Variants in EML6 observed in about 807,000 individuals in gnomAD.
The protein encoded by EML6 is EMAP like 6.
In EML6, 154 loss-of-function variants were observed where a neutral mutation model predicts 240.1. The ratio of observed to expected loss-of-function variants is 0.64; its 90% confidence interval spans 0.56 to 0.73. The LOEUF is 0.73. Among genes scored for constraint, EML6 ranks in the 30% least tolerant of loss-of-function variants. The pLI, the probability that EML6 is intolerant of heterozygous loss-of-function variation, is 0.00. For missense variants in EML6, 2,964 were observed against 2,474.6 expected (o/e 1.20, Z -4.20); for synonymous variants, 1,148 against 899.0 (o/e 1.28, Z -4.95).
At chr2:54,797,833 C>T (rs1046674361) in intron 2 of EML6, among the ~76,000 whole-genome samples, 9 of 152,142 alleles carry the variant, frequency 5.9e-5, no homozygotes, top group African/African-American at 1.9e-4. Flanking sequence ...CTCTGGGCTT[C>T]AGTGTCATTG....
At chr2:54,862,868 G>T (rs987428793) in intron 12 of EML6, among the ~76,000 whole-genome samples, 1 of 152,178 alleles carries the variant, frequency 6.6e-6, no homozygotes, top group Non-Finnish European at 1.5e-5. Flanking sequence ...AACCCTTGGG[G>T]GATAACAGGA....
chr2:54,915,107 A>G (rs1418884718), intron 25 of EML6, among the ~76,000 whole-genome samples: 1 of 152,240 alleles, frequency 6.6e-6, no homozygotes, highest in Non-Finnish European at 1.5e-5. Flanking sequence ...CAGCATTTTC[A>G]ACAAGTTTAT....
intron 2 of EML6, among the ~76,000 whole-genome samples, chr2:54,740,915 A>G (rs768660628): frequency 1.4e-4 from 21 of 152,322 alleles, no homozygotes; most frequent in Non-Finnish European, 2.5e-4. Flanking sequence ...TCTAGTCCAT[A>G]TGATAAAAAT....
At chr2:54,735,513 G>C (rs1334722163) in intron 2 of EML6, among the ~76,000 whole-genome samples, 1 of 152,174 alleles carries the variant, frequency 6.6e-6, no homozygotes, top group African/African-American at 2.4e-5. Context: ...GAGAATATTT[G>C]AATGGCAATA....
At chr2:54,863,303 T>C (rs944485441) in intron 12 of EML6, among the ~76,000 whole-genome samples, 2 of 152,188 alleles carry the variant, frequency 1.3e-5, no homozygotes, top group Non-Finnish European at 2.9e-5. Flanking sequence ...TGCTATCTAA[T>C]AGAAATGTGT....
rs543842180 is a variant in EML6, at chr2:54,801,165, A to G, written c.198-12067A>G. Among the ~76,000 whole-genome samples the G allele has an allele frequency of 2.0e-5, 3 of 152,040 alleles. No homozygotes were observed. The East Asian group carries it at 5.8e-4, about 29-fold the overall frequency. The stretch of plus-strand genomic sequence containing the variant: ...GAAACCCCGTCTCTACTAAAAATAC[A>G]AAAAATCAGCCGGGCATGGTGGTGG... On this transcript the variant is annotated intron_variant, in intron 2 of 41. Transcript: ENST00000356458.
chr2:54,890,101 C>T (rs1672386844), intron 17 of EML6, among the ~76,000 whole-genome samples: 1 of 152,106 alleles, frequency 6.6e-6, no homozygotes. Context: ...TCATGGGTGA[C>T]TGTTAGGTTT....
intron 9 of EML6, among the ~76,000 whole-genome samples, chr2:54,849,420 G>T (rs1669949763): frequency 6.6e-6 from 1 of 152,096 alleles, no homozygotes; most frequent in Non-Finnish European, 1.5e-5. Context: ...TCACAAATAT[G>T]CACTTAATTA....
chr2:54,879,774 A>G, intron 17 of EML6, 134 bp downstream of exon 17: 1 of 640,594 alleles, frequency 1.6e-6, no homozygotes, highest in Non-Finnish European at 2.8e-6. Context: ...CACCTAAGTG[A>G]AAAAATACTG....
intron 12 of EML6, among the ~76,000 whole-genome samples, chr2:54,862,148 C>A (rs958278223): frequency 6.6e-6 from 1 of 151,570 alleles, no homozygotes; most frequent in African/African-American, 2.4e-5. Flanking sequence ...ACCAGCCTGG[C>A]CAACATGGTG....
At chr2:54,958,137 A>T (rs1179414463) in intron 33 of EML6, 139 bp downstream of exon 33, 8 of 681,700 alleles carry the variant, frequency 1.2e-5, no homozygotes, top group Middle Eastern at 3.8e-4. Flanking sequence ...GTACTGGCTT[A>T]TCTGCAACCA....
Position 54,908,212 on chromosome 2 carries a change from T to TA in EML6, c.3410-2742_3410-2741insA, listed in dbSNP as rs1491300616. 3.0e-5 allele frequency among the ~76,000 whole-genome samples: 4 copies of TA among 135,494 alleles called. No individual in the cohort carries two copies. The East Asian group carries it at 8.1e-4, about 27-fold the overall frequency. The allele number at this position is 135,494 out of a possible 152,430, so 88.9% of individuals were successfully genotyped here. On this transcript the variant is annotated intron_variant, in intron 24 of 41. Transcript: ENST00000356458. ...GAAACCCACTCAAACCAGCTTAAAC[T>TA]TTTTTTTTTTTTTTTGAGACAGGGT...
chr2:54,909,420 C>G (rs564243440), intron 24 of EML6, among the ~76,000 whole-genome samples: 1 of 152,168 alleles, frequency 6.6e-6, no homozygotes, highest in Non-Finnish European at 1.5e-5. Flanking sequence ...GATATATTTG[C>G]TCAAGTCAAG....
Position 54,813,123 on chromosome 2 carries a change from C to G in EML6, c.198-109C>G. The G allele has an allele frequency of 2.4e-5, 19 of 779,068 alleles. No homozygotes were observed. In the South Asian group the frequency reaches 3.5e-4, roughly 14 times the overall value. The allele number at this position is 779,068 out of a possible 1,614,324, so 48.3% of individuals were successfully genotyped here. The stretch of plus-strand genomic sequence containing the variant: ...ACTTTGGGGACAGTTCAGACTCTTT[C>G]TCTTGAGATCACCTTGTTAGATAAT... On this transcript the variant is annotated intron_variant, in intron 2 of 41. Transcript: ENST00000356458.
chr2:54,751,098 C>G (rs1684146349), intron 2 of EML6, among the ~76,000 whole-genome samples: 1 of 152,186 alleles, frequency 6.6e-6, no homozygotes, highest in Non-Finnish European at 1.5e-5. Flanking sequence ...CAATAGATCC[C>G]TGCTTGTTAT....
At position 54,959,184 on chromosome 2, in the gene EML6, G is replaced by A. The variant is rs897213210; in HGVS notation, c.4776G>A (p.Lys1592=). Residue 1592 remains lysine (K), a synonymous_variant, in exon 34 of 42, where the codon AAG becomes AAA. Transcript: ENST00000356458. The part of the protein sequence containing the change: ...KDHFLIRLVA[K]AHTGPVFTMY... ...ACTTCCTCATCCGGCTGGTGGCCAA[G>A]GCTCACACAGGCCCCGTGTTCACAA... The A allele has an allele frequency of 1.2e-5, 19 of 1,551,538 alleles. No homozygotes were observed. The highest frequency in any genetic ancestry group is 1.6e-5 in the Non-Finnish European group (18 of 1,146,988).
intron 2 of EML6, among the ~76,000 whole-genome samples, chr2:54,757,231 A>G (rs1472607529): frequency 6.6e-6 from 1 of 152,068 alleles, no homozygotes. Context: ...TTTTAGGTTC[A>G]AGGCTTTCAT....
Position 54,928,608 on chromosome 2 carries a change from T to G in EML6, c.3878-17T>G. On this transcript the variant is annotated splice_polypyrimidine_tract_variant and intron_variant, in intron 27 of 41. Transcript: ENST00000356458. Reference sequence around the variant, plus strand: ...CTGCAAACCAACTGGCTCCCCAATCTCTTTCTGTTGTTTGAGGCTATGACA... The same window carrying G: ...CTGCAAACCAACTGGCTCCCCAATCGCTTTCTGTTGTTTGAGGCTATGACA... The G allele has an allele frequency of 6.4e-7, 1 of 1,551,952 alleles. No homozygotes were observed. The highest frequency in any genetic ancestry group is 8.7e-7 in the Non-Finnish European group (1 of 1,147,050).
chr2:54,968,722 T>A lies in EML6; in HGVS notation c.5806T>A (p.Ser1936Thr). ...HSAHVTNIRF[S>T]YDDKYVVSTG... is the part of the protein sequence containing the mutation. ...GGCTCACGTGACGAACATCCGTTTC[T>A]CTTATGATGACAAGTATGTGGTCAG... is the stretch of plus-strand genomic sequence containing the variant. Residue 1936 changes from serine (S) to threonine (T), a missense_variant, in exon 41 of 42, where the codon TCT becomes ACT. By Grantham distance (58) the Ser-to-Thr change is moderately conservative. Coordinates refer to ENST00000356458, the MANE Select transcript of EML6 (RefSeq NM_001039753.4). 1 of 1,551,362 alleles carries A rather than the reference T, an allele frequency of 6.4e-7. No individual in the cohort carries two copies.
Sources: allele counts gnomAD v4.1 joint callset (sites outside exome capture counted in the v4.1 genomes callset), GRCh38; gene constraint gnomAD v4.1.1; transcripts MANE v1.5; gene names NCBI Gene and HGNC (gene_info 2026-07-23, HGNC 2026-07-21).